Variants in HYAL3 observed in about 807,000 individuals in gnomAD.
HYAL3 encodes hyaluronidase-3.
In HYAL3, 25 loss-of-function variants were observed where a neutral mutation model predicts 29.6. The ratio of observed to expected loss-of-function variants is 0.85; its 90% CI spans 0.62 to 1.18. The LOEUF (loss-of-function observed/expected upper bound fraction) is 1.18. Ranked by LOEUF, HYAL3 falls within the 50% of genes most tolerant of loss-of-function variation. The probability of loss-of-function intolerance (pLI) is 0.00; values close to 1 mark genes in which losing one functional copy is unlikely to be tolerated. For synonymous variants in HYAL3, 215 were observed against 218.3 expected (o/e 0.99, Z 0.13); for missense variants, 442 against 548.4 (o/e 0.81, Z 1.94).
chr3:50,299,324 C>A lies in HYAL3; in HGVS notation c.-129G>T. The A allele has an allele frequency of 6.3e-7, 1 of 1,599,198 alleles. No homozygotes were observed. The highest frequency in any genetic ancestry group is 8.5e-7 in the Non-Finnish European group (1 of 1,174,542). ...CCGACAACGTTGGCCCCCAGCGGTG[C>A]GGCGGATGTTCTGCAGCCGTCGCGT... On this transcript the variant is annotated 5_prime_UTR_variant, in exon 1 of 4. Transcript: ENST00000336307.
intron 1 of HYAL3, 159 bp downstream of exon 1, chr3:50,299,054 G>A (rs1054030295): frequency 6.3e-7 from 1 of 1,582,922 alleles, no homozygotes; most frequent in Non-Finnish European, 8.6e-7. Context: ...TTTTGGGAAT[G>A]AGGACTTCGA....
chr3:50,299,352 T>C lies in HYAL3; in HGVS notation c.-157A>G. On this transcript the variant is annotated 5_prime_UTR_variant, in exon 1 of 4. Transcript: ENST00000336307. ...CGGATGTTCTGCAGCCGTCGCGTCC[T>C]GCGGCACGCCACGGCGTTCTAAGGC... 1 of 1,559,078 alleles carries C rather than the reference T, an allele frequency of 6.4e-7. No homozygotes were observed. The highest frequency in any genetic ancestry group is 8.7e-7 in the Non-Finnish European group (1 of 1,153,774).
In HYAL3 at chr3:50,295,246, G is replaced by A. The variant is rs782302878; in HGVS notation, c.357C>T (p.Gly119=). ...AATCCAGCACTGCTGGGCCAGCAAAGCCAGGTCTCAGGCTGTGGTGGATCT... is the reference window on the plus strand; with the variant it reads ...AATCCAGCACTGCTGGGCCAGCAAAACCAGGTCTCAGGCTGTGGTGGATCT... The part of the protein sequence containing the change: ...AYQIHHSLRP[G]FAGPAVLDWE... Residue 119 remains glycine, a synonymous_variant, in exon 2 of 4, where the codon GGC becomes GGT. Coordinates refer to ENST00000336307, the MANE Select transcript of HYAL3 (RefSeq NM_003549.4). 1.1e-5 allele frequency: 17 copies of A among 1,613,788 alleles called. No individual in the cohort carries two copies. In the South Asian group the frequency reaches 1.9e-4, roughly 18 times the overall value.
At position 50,293,090 on chromosome 3, in the gene HYAL3, C is replaced by G. The variant is rs1553710243; in HGVS notation, c.*156G>C. ...GCCTCTGGTTTTATAAGCGTTTTTT[C>G]TGGCCCCTTCTACCCCTCAGGGATT... On this transcript the variant is annotated 3_prime_UTR_variant, in exon 4 of 4. Coordinates refer to ENST00000336307, the MANE Select transcript of HYAL3 (RefSeq NM_003549.4). 1 of 1,439,424 alleles carries G rather than the reference C, an allele frequency of 6.9e-7. No homozygotes were observed. The highest frequency in any genetic ancestry group is 1.4e-5 in the African/African-American group (1 of 71,314). The allele number at this position is 1,439,424 out of a possible 1,614,324, so 89.2% of individuals were successfully genotyped here.
At position 50,293,701 on chromosome 3, in the gene HYAL3, A is replaced by C. The variant is rs782482500; in HGVS notation, c.915T>G (p.Ile305Met). The C allele has an allele frequency of 6.2e-7, 1 of 1,613,674 alleles. No homozygotes were observed. Among genetic ancestry groups the C allele is most frequent in the East Asian group, 2.2e-5 (1 of 44,888 alleles). The change falls in exon 3 of 4, where the codon ATT becomes ATG. Residue 305 changes from isoleucine (I) to methionine (M), a missense_variant. Coordinates refer to ENST00000336307, the MANE Select transcript of HYAL3 (RefSeq NM_003549.4). ...FLSQDDLVQS[I>M]GVSAALGAAG... ...CTGCCCCTAGTGCTGCACTCACACC[A>C]ATGGACTGCACAAGGTCATCCTGGA...
At position 50,297,685 on chromosome 3, in the gene HYAL3, G is replaced by C; in HGVS notation, c.-18+1528C>G. 1 of 1,377,496 alleles carries C rather than the reference G, an allele frequency of 7.3e-7. No homozygotes were observed. The highest frequency in any genetic ancestry group is 9.3e-7 in the Non-Finnish European group (1 of 1,070,668). The allele number at this position is 1,377,496 out of a possible 1,614,324, so 85.3% of individuals were successfully genotyped here. ...AGTGGCTCTCCTCCTGTAGATAACA[G>C]CCATGCTGGGCTGTGCCAGGAGGGA... On this transcript the variant is annotated intron_variant, in intron 1 of 3. Transcript: ENST00000336307. The surrounding 1 kb of genome is among the most constrained non-coding windows in gnomAD (Gnocchi z 4.3).
chr3:50,295,883 CTT>C, intron 1 of HYAL3: 1 of 460,518 alleles, frequency 2.2e-6, no homozygotes. Context: ...CATGTTCCGT[CTT>C]TGTCAATACA....
rs782033034 is a variant in HYAL3, at chr3:50,297,098, G to A, written c.-17-1479C>T. 2 of 1,548,608 alleles carry A rather than the reference G, an allele frequency of 1.3e-6. No homozygotes were observed. The highest frequency in any genetic ancestry group is 1.2e-5 in the South Asian group (1 of 81,138). Reference sequence around the variant, plus strand: ...TCAGCACCCGTGACAGGCGGGCATGGCCCACCACAACGGGTGCTGCTTCAA... The same window carrying A: ...TCAGCACCCGTGACAGGCGGGCATGACCCACCACAACGGGTGCTGCTTCAA... On this transcript the variant is annotated intron_variant, in intron 1 of 3. Transcript: ENST00000336307. This position sits in a 1 kb window ranked among gnomAD's most constrained non-coding sequence, Gnocchi z 4.3.
Position 50,294,805 on chromosome 3 carries a change from C to T in HYAL3, c.798G>A (p.Glu266=). ...HQAFVRHRLE[E]AFRVALVGHR... The stretch of plus-strand genomic sequence containing the variant: ...GCCCAACAAGGGCCACACGGAAGGC[C>T]TCCTCCAGGCGATGTCGGACAAAGG... The change falls in exon 2 of 4, where the codon GAG becomes GAA. Residue 266 remains glutamate, a synonymous_variant. Transcript: ENST00000336307. 6.6e-7 allele frequency: 1 copy of T among 1,522,830 alleles called. No homozygotes were observed. The highest frequency in any genetic ancestry group is 1.8e-4 in the Middle Eastern group (1 of 5,596). 94.3% of individuals were successfully genotyped at this position (1,522,830 alleles called of 1,614,324 possible).
At chr3:50,296,820 G>T (rs1428599235) in intron 1 of HYAL3, 4 of 1,581,966 alleles carry the variant, frequency 2.5e-6, no homozygotes, top group Non-Finnish European at 2.6e-6. Context: ...GGGAGAGGGG[G>T]CTGTGGGGAA....
chr3:50,299,169 G>C (rs1386671105), intron 1 of HYAL3, 44 bp downstream of exon 1: 1 of 1,614,034 alleles, frequency 6.2e-7, no homozygotes, highest in Admixed American at 1.7e-5. Flanking sequence ...CCGCACGCGC[G>C]GGGTGGACCT....
At chr3:50,296,414 C>G (rs1258934009) in intron 1 of HYAL3, 1 of 640,590 alleles carries the variant, frequency 1.6e-6, no homozygotes, top group Non-Finnish European at 2.7e-6. Flanking sequence ...CCCAAGAGAG[C>G]CTTTATTCAG....
chr3:50,296,842 G>C, intron 1 of HYAL3: 2 of 1,587,814 alleles, frequency 1.3e-6, no homozygotes, highest in Non-Finnish European at 1.7e-6. Context: ...GCATTAAGCA[G>C]GGTGGCAGGC....
Position 50,295,295 on chromosome 3 carries a change from C to T in HYAL3, c.308G>A (p.Arg103His), listed in dbSNP as rs781881912. ...CTGGTAGGCAGCCAGTGCCAGGTGG[C>T]GGTCAAGGGGCAAAGCCTGGGGGAT... ...GGIPQALPLD[R>H]HLALAAYQIH... is the part of the protein sequence containing the mutation. The change falls in exon 2 of 4, where the codon CGC becomes CAC. Residue 103 changes from arginine to histidine, a missense_variant. By Grantham distance (29) the Arg-to-His change is conservative. Transcript: ENST00000336307. 1.7e-5 allele frequency: 28 copies of T among 1,613,966 alleles called. No individual in the cohort carries two copies. The highest frequency in any genetic ancestry group is 3.3e-5 in the Admixed American group (2 of 60,008).
At chr3:50,298,500 G>T (rs1273631587) in intron 1 of HYAL3, among the ~76,000 whole-genome samples, 1 of 151,210 alleles carries the variant, frequency 6.6e-6, no homozygotes, top group Non-Finnish European at 1.5e-5. Flanking sequence ...AGTTTCGCAG[G>T]CACCCTAGAT....
intron 2 of HYAL3, among the ~76,000 whole-genome samples, chr3:50,294,353 G>A (rs905329704): frequency 2.0e-5 from 3 of 152,048 alleles, no homozygotes; most frequent in Non-Finnish European, 2.9e-5. Flanking sequence ...GGCTGGTCTC[G>A]AACTCTTGGC....
At chr3:50,296,473 C>T in intron 1 of HYAL3, 2 of 1,121,446 alleles carry the variant, frequency 1.8e-6, no homozygotes, top group Non-Finnish European at 2.5e-6. Flanking sequence ...CCACTGGTAC[C>T]CAGGAAACAT....
Position 50,294,735 on chromosome 3 carries a change from G to A in HYAL3, c.868C>T (p.Arg290Trp), listed in dbSNP as rs145219761. Residue 290 changes from arginine to tryptophan, a missense_variant, in exon 2 of 4, where the codon CGG becomes TGG. Physicochemically the swap from Arg to Trp is moderately radical, Grantham distance 101. Transcript: ENST00000336307. ...PVLAYVRLTH[R>W]RSGRFLSQDD... ...TGGGACAGGAACCTCCCAGATCTCCGGTGTGTGAGGCGGACATAGGCCAGG... is the reference window on the plus strand; with the variant it reads ...TGGGACAGGAACCTCCCAGATCTCCAGTGTGTGAGGCGGACATAGGCCAGG... 6.6e-5 allele frequency: 100 copies of A among 1,504,910 alleles called. No individual in the cohort carries two copies. The highest frequency in any genetic ancestry group is 3.6e-4 in the Middle Eastern group (2 of 5,566). The allele number at this position is 1,504,910 out of a possible 1,614,324, so 93.2% of individuals were successfully genotyped here.
Position 50,293,368 on chromosome 3 carries a change from A to C in HYAL3, c.1132T>G (p.Phe378Val). 1 of 1,613,558 alleles carries C rather than the reference A, an allele frequency of 6.2e-7. No individual in the cohort carries two copies. Among genetic ancestry groups the C allele is most frequent in the South Asian group, 1.1e-5 (1 of 91,086 alleles). The change falls in exon 4 of 4, where the codon TTT becomes GTT. Residue 378 changes from phenylalanine to valine, a missense_variant. By Grantham distance (50) the Phe-to-Val change is conservative. Transcript: ENST00000336307. ...CTGCCGTCTGGCCACAGGTGTAGAA[A>C]GGCTTCCATCTGTCCTGGATCTCGC... The part of the protein sequence containing the change: ...ARRDPGQMEA[F>V]LHLWPDGSLG...
Sources: allele counts gnomAD v4.1 joint callset (sites outside exome capture counted in the v4.1 genomes callset), GRCh38; gene constraint gnomAD v4.1.1; non-coding constraint Gnocchi (gnomAD v3.1); transcripts MANE v1.5; gene names NCBI Gene and HGNC (gene_info 2026-07-23, HGNC 2026-07-21).